CSMD3: variants seen among roughly 807,000 people sequenced by gnomAD.
CSMD3 encodes CUB and Sushi multiple domains 3.
A neutral mutation model predicts 435.2 loss-of-function variants in CSMD3; 177 were observed. The ratio of observed to expected loss-of-function variants is 0.41; its 90% confidence interval spans 0.36 to 0.46. CSMD3 has a LOEUF of 0.46. Ranked by LOEUF, CSMD3 falls within the 20% of genes least tolerant of loss-of-function variation. The probability of loss-of-function intolerance (pLI) is 0.34; values close to 1 mark genes in which losing one functional copy is unlikely to be tolerated. For missense variants in CSMD3, 4,265 were observed against 4,504.6 expected (o/e 0.95, Z 1.52); for synonymous variants, 1,656 against 1,520.5 (o/e 1.09, Z -2.07).
At chr8:112,312,451 T>A (rs1293262884) in intron 49 of CSMD3, among the ~76,000 whole-genome samples, 2 of 152,050 alleles carry the variant, frequency 1.3e-5, no homozygotes, top group African/African-American at 2.4e-5. Flanking sequence ...AGAGGGGGTG[T>A]CACTATGTTG....
At chr8:112,622,388 G>A (rs1012895592) in intron 22 of CSMD3, among the ~76,000 whole-genome samples, 2 of 152,070 alleles carry the variant, frequency 1.3e-5, no homozygotes, top group African/African-American at 2.4e-5. Flanking sequence ...AAATATAAGT[G>A]ACTGAAAGAT....
At chr8:112,998,910 T>C (rs2085756949) in intron 6 of CSMD3, among the ~76,000 whole-genome samples, 2 of 151,962 alleles carry the variant, frequency 1.3e-5, no homozygotes, top group South Asian at 2.1e-4. Flanking sequence ...TGACTGTAAG[T>C]TTCCTGAGGC....
chr8:112,430,346 C>G (rs1454029260), intron 32 of CSMD3, among the ~76,000 whole-genome samples: 1 of 151,988 alleles, frequency 6.6e-6, no homozygotes, highest in African/African-American at 2.4e-5. Flanking sequence ...AAGATAGATA[C>G]ATTATCTCAT....
At chr8:113,094,092 T>C (rs1405288777) in intron 5 of CSMD3, among the ~76,000 whole-genome samples, 1 of 152,188 alleles carries the variant, frequency 6.6e-6, no homozygotes, top group Non-Finnish European at 1.5e-5. Context: ...ATTTATCTTC[T>C]GGGCCCAATG....
At chr8:112,608,420 T>G (rs1420631717) in intron 22 of CSMD3, among the ~76,000 whole-genome samples, 4 of 152,058 alleles carry the variant, frequency 2.6e-5, no homozygotes, top group African/African-American at 9.7e-5. Context: ...CCAATAGCAT[T>G]TTACACAGAA....
At chr8:112,313,779 C>T (rs1198863747) in intron 49 of CSMD3, 127 bp downstream of exon 49, 1 of 726,366 alleles carries the variant, frequency 1.4e-6, no homozygotes, top group Non-Finnish European at 2.4e-6. Context: ...CATAAATTGT[C>T]CAGGAACCAT....
At position 112,390,769 on chromosome 8, in the gene CSMD3, TAAAATTC is replaced by T; in HGVS notation, c.5822_5828del (p.Gly1941GlufsTer21). 6.2e-7 allele frequency: 1 copy of T among 1,613,766 alleles called. No homozygotes were observed. Among genetic ancestry groups the T allele is most frequent in the Non-Finnish European group, 8.5e-7 (1 of 1,179,678 alleles). On this transcript the variant is annotated frameshift_variant, in exon 36 of 71. Coordinates refer to ENST00000297405, the MANE Select transcript of CSMD3 (RefSeq NM_198123.2). LOFTEE classifies it high-confidence loss of function. Reference sequence around the variant, plus strand: ...ACAAAATAGTCCCTTTGCGCTTAGTTAAAATTCCACCACAGGGCACTGAAAATAAAGC... The same window carrying T: ...ACAAAATAGTCCCTTTGCGCTTAGTTCACCACAGGGCACTGAAAATAAAGC...
chr8:112,582,710 C>T (rs981507254), intron 23 of CSMD3, among the ~76,000 whole-genome samples: 3 of 151,878 alleles, frequency 2.0e-5, no homozygotes, highest in Non-Finnish European at 4.4e-5. Context: ...TTTGTGTCCC[C>T]CCAAATTTGT....
At chr8:112,802,181 T>G (rs2078976796) in intron 12 of CSMD3, among the ~76,000 whole-genome samples, 1 of 151,930 alleles carries the variant, frequency 6.6e-6, no homozygotes, top group South Asian at 2.1e-4. Context: ...CAACTTCTCT[T>G]TAGCATTTCT....
intron 35 of CSMD3, among the ~76,000 whole-genome samples, chr8:112,405,214 C>CATATATATATATATAT (rs71309768): frequency 1.6e-4 from 3 of 19,064 alleles, no homozygotes; most frequent in Non-Finnish European, 2.4e-4. Flanking sequence ...AAAAAACCCC[C>CATATATATATATATAT]ATATATATAT....
At chr8:113,327,974 C>T (rs888388063) in intron 1 of CSMD3, among the ~76,000 whole-genome samples, 6 of 152,098 alleles carry the variant, frequency 3.9e-5, no homozygotes, top group African/African-American at 1.4e-4. Flanking sequence ...GAGAACCAGT[C>T]TCTCACTTAC....
chr8:112,391,162 C>A (rs946293899), intron 35 of CSMD3, among the ~76,000 whole-genome samples: 1 of 152,124 alleles, frequency 6.6e-6, no homozygotes, highest in Non-Finnish European at 1.5e-5. Flanking sequence ...CTCCTTCATG[C>A]ATTCTTTGAG....
intron 22 of CSMD3, among the ~76,000 whole-genome samples, chr8:112,593,815 T>C (rs1324571628): frequency 6.6e-6 from 1 of 152,130 alleles, no homozygotes. Flanking sequence ...AGTACATTGA[T>C]TTGGGCAATT....
intron 13 of CSMD3, among the ~76,000 whole-genome samples, chr8:112,778,975 C>A (rs1009506489): frequency 1.5e-4 from 23 of 151,794 alleles, no homozygotes; most frequent in Non-Finnish European, 3.2e-4. Context: ...ATCTGTGTAT[C>A]TTTTTCCAGT....
chr8:113,324,423 G>C (rs1292511045), intron 1 of CSMD3, among the ~76,000 whole-genome samples: 4 of 152,090 alleles, frequency 2.6e-5, no homozygotes, highest in African/African-American at 9.7e-5. Flanking sequence ...GACTGAAAGG[G>C]GACAACGTAG....
chr8:113,069,434 C>A (rs1038158151), intron 5 of CSMD3, among the ~76,000 whole-genome samples: 8 of 151,816 alleles, frequency 5.3e-5, no homozygotes, highest in Non-Finnish European at 1.2e-4. Flanking sequence ...CTAAAAATAC[C>A]CTATTTATTT....
chr8:113,212,126 T>C (rs1180096838), intron 3 of CSMD3, among the ~76,000 whole-genome samples: 2 of 152,136 alleles, frequency 1.3e-5, no homozygotes, highest in African/African-American at 4.8e-5. Flanking sequence ...TTTATGGAGC[T>C]GCTGGAGTAA....
At chr8:112,304,962 C>A (rs1238504200) in intron 51 of CSMD3, 47 bp from the exon 52 acceptor site, 2 of 1,386,104 alleles carry the variant, frequency 1.4e-6, no homozygotes, top group South Asian at 1.2e-5. Context: ...CACTATATCT[C>A]AACGTCTATT....
chr8:112,396,399 C>T (rs1830865227), intron 35 of CSMD3, among the ~76,000 whole-genome samples: 1 of 152,112 alleles, frequency 6.6e-6, no homozygotes, highest in Admixed American at 6.6e-5. Context: ...TGCTCTCTCT[C>T]AGAATAAAAC....
Sources: allele counts gnomAD v4.1 joint callset (sites outside exome capture counted in the v4.1 genomes callset), GRCh38; gene constraint gnomAD v4.1.1; transcripts MANE v1.5; gene names NCBI Gene and HGNC (gene_info 2026-07-23, HGNC 2026-07-21).